Variants in CARD16 observed in about 807,000 individuals in gnomAD.
CARD16 encodes the protein caspase recruitment domain family member 16, also known as caspase recruitment domain-containing protein 16.
In CARD16, 8 loss-of-function variants were observed where a neutral mutation model predicts 11.9. The observed-to-expected ratio is 0.67, with a 90% CI of 0.39 to 1.21. The LOEUF is 1.21. CARD16 is among the 50% of genes most tolerant of loss of function. CARD16 has a pLI of 0.01. For missense variants in CARD16, 131 were observed against 118.1 expected, an observed-to-expected ratio of 1.11 and a Z score of -0.51; for synonymous variants, 44 against 43.8, an observed-to-expected ratio of 1.00 and a Z score of -0.02.
At chr11:105,043,993 A>G (rs931179781) in intron 2 of CARD16, 6 of 264,660 alleles carry the variant, frequency 2.3e-5, no homozygotes, top group Non-Finnish European at 3.6e-5. Context: ...AATTTATAAA[A>G]AGTATTTGAA....
intron 3 of CARD16, among the ~76,000 whole-genome samples, 164 bp downstream of exon 3, chr11:105,043,318 AG>A (rs1864140905): frequency 6.6e-6 from 1 of 151,966 alleles, no homozygotes; most frequent in South Asian, 2.1e-4. Context: ...AGAGTAGTAA[AG>A]CTTTGGGAAC....
rs1126877 is a variant in CARD16, at chr11:105,043,526, C to A, written c.294G>T (p.Ter98TyrextTer?). 7 of 1,610,096 alleles carry A rather than the reference C, an allele frequency of 4.3e-6. No individual in the cohort carries two copies. Among genetic ancestry groups the A allele is most frequent in the Non-Finnish European group, 5.9e-6 (7 of 1,177,072 alleles). Residue 98 changes from the stop codon to tyrosine, a stop_lost, in exon 3 of 4, where the codon TAG becomes TAT. Transcript: ENST00000673097. Reference protein sequence around the residue: ...GLSAGPIPGN* With the variant: ...GLSAGPIPGNY ...GTAATTGGGAGTCTTGTGTACTAAG[C>A]TAATTTCCAGGTATCGGACCTATAA...
chr11:105,042,464 T>G (rs1864127687), intron 3 of CARD16, among the ~76,000 whole-genome samples: 1 of 152,158 alleles, frequency 6.6e-6, no homozygotes, highest in Non-Finnish European at 1.5e-5. Flanking sequence ...GTTAAAAAAT[T>G]AATGTGATGT....
At chr11:105,044,090 G>T (rs1248713569) in intron 2 of CARD16, 3 of 472,234 alleles carry the variant, frequency 6.4e-6, no homozygotes, top group Non-Finnish European at 7.6e-6. Flanking sequence ...AATAAATATC[G>T]TGCCTTGCCA....
chr11:105,045,256 C>G, intron 1 of CARD16, 35 bp downstream of exon 1: 1 of 1,613,902 alleles, frequency 6.2e-7, no homozygotes, highest in Non-Finnish European at 8.5e-7. Flanking sequence ...CTCTTTCTTC[C>G]CAGGGACCTG....
Position 105,045,286 on chromosome 11 carries a change from C to T in CARD16, c.7+5G>A. On this transcript the variant is annotated splice_donor_5th_base_variant and intron_variant, in intron 1 of 3. Transcript: ENST00000673097. Reference sequence around the variant, plus strand: ...GACCTGTTCTTGGAACAGTAAAAGACTCACCGGCCATGGCTTTTCTCTCCT... The same window carrying T: ...GACCTGTTCTTGGAACAGTAAAAGATTCACCGGCCATGGCTTTTCTCTCCT... The T allele has an allele frequency of 1.2e-6, 2 of 1,614,020 alleles. No individual in the cohort carries two copies. The highest frequency in any genetic ancestry group is 1.3e-5 in the African/African-American group (1 of 75,044).
intron 1 of CARD16, 179 bp downstream of exon 1, chr11:105,045,112 C>A: frequency 1.2e-6 from 1 of 856,174 alleles, no homozygotes; most frequent in Non-Finnish European, 1.9e-6. Context: ...TCTGGGCTTG[C>A]CTTTTCTTTC....
In CARD16 at chr11:105,045,294, C is replaced by T; in HGVS notation, c.4G>A (p.Ala2Thr). The change falls in exon 1 of 4, where the codon GCC (alanine) becomes ACC (threonine). Residue 2 changes from alanine (A) to threonine (T), a missense_variant. By Grantham distance (58) the Ala-to-Thr change is moderately conservative. Coordinates refer to ENST00000673097, the MANE Select transcript of CARD16 (RefSeq NM_052889.4). M[A>T]DKVLKEKRKL... ...CTTGGAACAGTAAAAGACTCACCGG[C>T]CATGGCTTTTCTCTCCTACCCTTCT... 6.2e-7 allele frequency: 1 copy of T among 1,614,010 alleles called. No individual in the cohort carries two copies. The highest frequency in any genetic ancestry group is 2.2e-5 in the East Asian group (1 of 44,878).
intron 1 of CARD16, 160 bp downstream of exon 1, chr11:105,045,131 G>A: frequency 9.6e-7 from 1 of 1,040,452 alleles, no homozygotes; most frequent in Non-Finnish European, 1.5e-6. Context: ...TCTAAAGCCT[G>A]CAAAAATCTT....
Position 105,044,392 on chromosome 11 carries a change from C to T in CARD16, c.274G>A (p.Gly92Ser). The change falls in exon 2 of 4, where the codon GGT becomes AGT. Residue 92 changes from glycine to serine, a missense_variant and splice_region_variant. Coordinates refer to ENST00000673097, the MANE Select transcript of CARD16 (RefSeq NM_052889.4). Reference protein sequence around the residue: ...YLAETLGLSAGPIPGN With the variant: ...YLAETLGLSASPIPGN ...TTGAGTGTGAGTCACTGACCCTTAC[C>T]TGCTGAGAGTCCCAGCGTCTCTGCC... The T allele has an allele frequency of 6.2e-7, 1 of 1,614,046 alleles. No homozygotes were observed. Among genetic ancestry groups the T allele is most frequent in the South Asian group, 1.1e-5 (1 of 91,084 alleles).
intron 2 of CARD16, chr11:105,044,114 A>T: frequency 1.9e-6 from 1 of 535,640 alleles, no homozygotes; most frequent in Non-Finnish European, 3.3e-6. Context: ...ACACTGGAAC[A>T]TATTGTATGA....
intron 1 of CARD16, 195 bp downstream of exon 1, chr11:105,045,096 T>C: frequency 1.3e-6 from 1 of 747,776 alleles, no homozygotes; most frequent in Non-Finnish European, 2.2e-6. Context: ...AAAGTCTCTG[T>C]TCCTTTCTGG....
At chr11:105,042,048 AT>A (rs1239444679) in intron 3 of CARD16, among the ~76,000 whole-genome samples, 1 of 152,226 alleles carries the variant, frequency 6.6e-6, no homozygotes, top group Non-Finnish European at 1.5e-5. Flanking sequence ...TTAAAATATG[AT>A]TTGTTTTCAA....
intron 2 of CARD16, 121 bp downstream of exon 2, chr11:105,044,271 A>G (rs1864156835): frequency 6.6e-7 from 1 of 1,511,110 alleles, no homozygotes; most frequent in African/African-American, 1.4e-5. Context: ...TGCTACAGAA[A>G]TATGGCCCAA....
At position 105,044,531 on chromosome 11, in the gene CARD16, A is replaced by T. The variant is rs760010362; in HGVS notation, c.135T>A (p.Arg45=). 1.9e-6 allele frequency: 3 copies of T among 1,614,090 alleles called. No individual in the cohort carries two copies. Among genetic ancestry groups the T allele is most frequent in the Non-Finnish European group, 8.5e-7 (1 of 1,179,974 alleles). The change falls in exon 2 of 4, where the codon CGT becomes CGA. Residue 45 remains arginine, a synonymous_variant. Transcript: ENST00000673097. ...TCTTATCCATAACTGTAGCATTTTCACGTTTTACTTTCTCCATCTCTTCCT... is the reference window on the plus strand; with the variant it reads ...TCTTATCCATAACTGTAGCATTTTCTCGTTTTACTTTCTCCATCTCTTCCT... ...LNQEEMEKVK[R]ENATVMDKTR...
Position 105,044,513 on chromosome 11 carries a change from C to T in CARD16, c.153G>A (p.Met51Ile). 3 of 1,614,102 alleles carry T rather than the reference C, an allele frequency of 1.9e-6. No individual in the cohort carries two copies. The highest frequency in any genetic ancestry group is 4.5e-5 in the East Asian group (2 of 44,880). ...AGTCAATCAAAGCTCGGGTCTTATCCATAACTGTAGCATTTTCACGTTTTA... is the reference window on the plus strand; with the variant it reads ...AGTCAATCAAAGCTCGGGTCTTATCTATAACTGTAGCATTTTCACGTTTTA... ...EKVKRENATV[M>I]DKTRALIDSV... The change falls in exon 2 of 4, where the codon ATG (methionine) becomes ATA (isoleucine). Residue 51 changes from methionine (M) to isoleucine (I), a missense_variant. Physicochemically the swap from Met to Ile is conservative, Grantham distance 10. Coordinates refer to ENST00000673097, the MANE Select transcript of CARD16 (RefSeq NM_052889.4).
chr11:105,042,036 A>G (rs1432519154), intron 3 of CARD16, among the ~76,000 whole-genome samples: 1 of 152,244 alleles, frequency 6.6e-6, no homozygotes, highest in African/African-American at 2.4e-5. Context: ...GATATAAAAT[A>G]GTTAAAATAT....
intron 3 of CARD16, among the ~76,000 whole-genome samples, chr11:105,042,169 G>T (rs1864123478): frequency 6.6e-6 from 1 of 152,104 alleles, no homozygotes; most frequent in Admixed American, 6.6e-5. Flanking sequence ...AGACATGGTA[G>T]TAAACACTGG....
intron 3 of CARD16, among the ~76,000 whole-genome samples, chr11:105,042,161 A>C (rs1864123241): frequency 6.6e-6 from 1 of 152,222 alleles, no homozygotes; most frequent in African/African-American, 2.4e-5. Flanking sequence ...TACCTAATAG[A>C]CATGGTAGTA....
Sources: allele counts gnomAD v4.1 joint callset (sites outside exome capture counted in the v4.1 genomes callset), GRCh38; gene constraint gnomAD v4.1.1; transcripts MANE v1.5; gene names NCBI Gene and HGNC (gene_info 2026-07-23, HGNC 2026-07-21).